Variants in DIP2C observed in about 807,000 individuals in gnomAD.
The protein encoded by DIP2C is disco-interacting protein 2 homolog C.
A neutral mutation model predicts 192.4 loss-of-function variants in DIP2C; 33 were observed. The ratio of observed to expected loss-of-function variants is 0.17; its 90% CI spans 0.13 to 0.23. The LOEUF (loss-of-function observed/expected upper bound fraction) is 0.23, where lower values mean the gene tolerates loss of function less well. DIP2C is among the 10% of genes least tolerant of loss of function. The probability of loss-of-function intolerance (pLI) is 1.00; values close to 1 mark genes in which losing one functional copy is unlikely to be tolerated. For missense variants in DIP2C, 1,537 were observed against 2,110.1 expected (o/e 0.73, Z 5.32); for synonymous variants, 979 against 864.1 (o/e 1.13, Z -2.33).
In DIP2C at chr10:534,669, TTA is replaced by T. The variant is rs201617805; in HGVS notation, c.86-48141_86-48140del. Among the ~76,000 whole-genome samples, 244 of 91,738 alleles carry T rather than the reference TTA, an allele frequency of 2.7e-3. 9 individuals are homozygous for T. Among genetic ancestry groups the T allele is most frequent in the African/African-American group, 6.9e-3 (118 of 17,128 alleles). The allele number at this position is 91,738 out of a possible 152,430, so 60.2% of individuals were successfully genotyped here. The stretch of plus-strand genomic sequence containing the variant: ...ACAGTGTTTGTCTGCTGGATGATTA[TTA>T]TTTTTTTTTTTTTTTTGAGACGGAG... On this transcript the variant is annotated intron_variant, in intron 1 of 36. Transcript: ENST00000280886.
At chr10:635,929 G>A (rs1193927725) in intron 1 of DIP2C, among the ~76,000 whole-genome samples, 4 of 152,180 alleles carry the variant, frequency 2.6e-5, no homozygotes, top group East Asian at 3.8e-4. Context: ...TCTGACAGAC[G>A]ATCATCGAGA....
intron 1 of DIP2C, among the ~76,000 whole-genome samples, chr10:603,840 C>T (rs998041585): frequency 6.6e-6 from 1 of 152,216 alleles, no homozygotes; most frequent in East Asian, 1.9e-4. Context: ...GCATTCCTGC[C>T]TGGAGTCTCC....
At chr10:670,179 T>C (rs906881885) in intron 1 of DIP2C, among the ~76,000 whole-genome samples, 1 of 152,064 alleles carries the variant, frequency 6.6e-6, no homozygotes, top group Non-Finnish European at 1.5e-5. Flanking sequence ...CATGAACATG[T>C]ACACGTGTGT....
At chr10:336,830 C>T (rs1317214902) in intron 29 of DIP2C, among the ~76,000 whole-genome samples, 3 of 145,188 alleles carry the variant, frequency 2.1e-5, no homozygotes, top group African/African-American at 7.5e-5. Context: ...GCCTAGGCAG[C>T]TGTGTGTGTG....
chr10:308,107 T>C (rs1365113914), intron 32 of DIP2C, among the ~76,000 whole-genome samples: 1 of 152,064 alleles, frequency 6.6e-6, no homozygotes, highest in East Asian at 1.9e-4. Context: ...GCTTTGGGGG[T>C]GCCTGGGCGG....
At chr10:446,572 C>G (rs919243193) in intron 3 of DIP2C, among the ~76,000 whole-genome samples, 3 of 152,228 alleles carry the variant, frequency 2.0e-5, no homozygotes, top group African/African-American at 7.2e-5. Flanking sequence ...TTTTAGTTCT[C>G]CTGACTCACT....
At position 390,100 on chromosome 10, in the gene DIP2C, C is replaced by T. The variant is rs199841295; in HGVS notation, c.1495-7G>A. The T allele has an allele frequency of 2.5e-4, 403 of 1,613,068 alleles. No individual in the cohort carries two copies. The highest frequency in any genetic ancestry group is 5.2e-4 in the Admixed American group (31 of 59,958). ...CATCCTTACACGTCTTGTACTGAAA[C>T]GAGACAAAGCGTGAGGGAAGTGGGG... On this transcript the variant is annotated splice_region_variant and splice_polypyrimidine_tract_variant and intron_variant, in intron 12 of 36. Coordinates refer to ENST00000280886, the MANE Select transcript of DIP2C (RefSeq NM_014974.3).
intron 31 of DIP2C, chr10:311,664 T>C: frequency 9.5e-7 from 1 of 1,048,426 alleles, no homozygotes. Flanking sequence ...GACCCGACAG[T>C]GAAAAATGGG....
At chr10:399,298 G>T (rs1964230171) in intron 9 of DIP2C, 79 bp from the exon 10 acceptor site, 1 of 1,099,082 alleles carries the variant, frequency 9.1e-7, no homozygotes, top group Non-Finnish European at 1.4e-6. Flanking sequence ...CTTGGTTCTA[G>T]GTGAGAGGGC....
intron 31 of DIP2C, among the ~76,000 whole-genome samples, chr10:324,112 G>A (rs537624050): frequency 2.6e-5 from 4 of 152,152 alleles, no homozygotes; most frequent in Non-Finnish European, 5.9e-5. Context: ...CGTGTTCGTG[G>A]CACTCTATCC....
At chr10:536,061 TA>T (rs1847674953) in intron 1 of DIP2C, among the ~76,000 whole-genome samples, 2 of 152,190 alleles carry the variant, frequency 1.3e-5, no homozygotes, top group Non-Finnish European at 2.9e-5. Flanking sequence ...TTCAACAATA[TA>T]AATTGATTCT....
Position 384,015 on chromosome 10 carries a change from C to A in DIP2C, c.1876+12G>T, listed in dbSNP as rs369116116. 21 of 1,542,548 alleles carry A rather than the reference C, an allele frequency of 1.4e-5. No individual in the cohort carries two copies. The African/African-American group carries it at 2.3e-4, about 17-fold the overall frequency. On this transcript the variant is annotated intron_variant, in intron 16 of 36. Transcript: ENST00000280886. ...CCCGCCTGCCTCACGAGATCACACG[C>A]TCCTCACTTACAGGGGTTCGCGCCG...
At chr10:657,611 T>C (rs547727214) in intron 1 of DIP2C, among the ~76,000 whole-genome samples, 20 of 30,522 alleles carry the variant, frequency 6.6e-4, no homozygotes, top group Admixed American at 1.1e-3. Context: ...CTGGACCTGA[T>C]GCTGGACCTG....
intron 32 of DIP2C, among the ~76,000 whole-genome samples, chr10:308,174 A>G (rs2132309632): frequency 6.6e-6 from 1 of 152,346 alleles, no homozygotes; most frequent in East Asian, 1.9e-4. Context: ...CTTTGTATGT[A>G]AAATGCCAGG....
intron 3 of DIP2C, among the ~76,000 whole-genome samples, chr10:462,290 AAAG>A (rs934569376): frequency 7.9e-5 from 12 of 151,944 alleles, no homozygotes; most frequent in Non-Finnish European, 1.5e-4. Context: ...CTAGCCAGAC[AAAG>A]AAGAAAAGAG....
At position 302,392 on chromosome 10, in the gene DIP2C, G is replaced by A. The variant is rs144008935; in HGVS notation, c.3986+7639C>T. Among the ~76,000 whole-genome samples the A allele has an allele frequency of 4.6e-5, 7 of 152,308 alleles. No homozygotes were observed. The East Asian group carries it at 1.4e-3, about 29-fold the overall frequency. Reference sequence around the variant, plus strand: ...GGTCCTGAGCTTAATCCAAGCACCTGTTAAATTCATTGCAGCCAAACCACC... The same window carrying A: ...GGTCCTGAGCTTAATCCAAGCACCTATTAAATTCATTGCAGCCAAACCACC... On this transcript the variant is annotated intron_variant, in intron 32 of 36. Transcript: ENST00000280886.
chr10:543,365 G>A (rs150196484), intron 1 of DIP2C, among the ~76,000 whole-genome samples: 1 of 152,372 alleles, frequency 6.6e-6, no homozygotes, highest in East Asian at 1.9e-4. Context: ...CCTGTTAGGA[G>A]CTGTGCAGGG....
chr10:554,793 A>G (rs563470706), intron 1 of DIP2C, among the ~76,000 whole-genome samples: 1 of 152,336 alleles, frequency 6.6e-6, no homozygotes, highest in South Asian at 2.1e-4. Flanking sequence ...ATCAAAAGGC[A>G]TCAGGAAAAC....
In DIP2C at chr10:399,130, G is replaced by C. The variant is rs746569472; in HGVS notation, c.1239C>G (p.Ile413Met). 2 of 1,613,680 alleles carry C rather than the reference G, an allele frequency of 1.2e-6. No homozygotes were observed. The highest frequency in any genetic ancestry group is 1.7e-5 in the Admixed American group (1 of 60,002). Residue 413 changes from isoleucine (I) to methionine (M), a missense_variant, in exon 10 of 37, where the codon ATC (isoleucine) becomes ATG (methionine). Ile to Met is a conservative substitution (Grantham distance 10). Coordinates refer to ENST00000280886, the MANE Select transcript of DIP2C (RefSeq NM_014974.3). The part of the protein sequence containing the change: ...CLLAEVVPVP[I>M]EVPLTRKDAG... ...TTACCTTCCTGGTGAGCGGCACCTC[G>C]ATGGGCACGGGGACCACCTCGGCCA...
Sources: gnomAD v4.1 joint callset for allele counts (sites outside exome capture counted in the v4.1 genomes callset) on GRCh38, gnomAD v4.1.1 for gene constraint, MANE v1.5 for transcripts, NCBI Gene and HGNC (gene_info 2026-07-23, HGNC 2026-07-21) for gene names.